Variants in UBE2G1 observed in about 807,000 individuals in gnomAD.
The protein encoded by UBE2G1 is ubiquitin conjugating enzyme E2 G1.
A neutral mutation model predicts 22.7 loss-of-function variants in UBE2G1; 5 were observed. That is an observed-to-expected ratio of 0.22 (90% CI 0.12 to 0.46). The LOEUF (loss-of-function observed/expected upper bound fraction) is 0.46, where lower values mean the gene tolerates loss of function less well. Among genes scored for constraint, UBE2G1 ranks in the 20% least tolerant of loss-of-function variants. The pLI, the probability that UBE2G1 is intolerant of heterozygous loss-of-function variation, is 0.99. For missense variants in UBE2G1, 88 were observed against 203.9 expected (o/e 0.43, Z 3.46); for synonymous variants, 74 against 67.5 (o/e 1.10, Z -0.47).
chr17:4,366,337 G>T lies in UBE2G1; in HGVS notation c.-21C>A. On this transcript the variant is annotated 5_prime_UTR_variant, in exon 1 of 6. Transcript: ENST00000396981. Reference sequence around the variant, plus strand: ...GTCATCCTCCCTGCCGAGGGCCCGGGCTGGCGCCGGGGCTTCCGAAGGGCT... The same window carrying T: ...GTCATCCTCCCTGCCGAGGGCCCGGTCTGGCGCCGGGGCTTCCGAAGGGCT... The T allele has an allele frequency of 6.5e-7, 1 of 1,531,948 alleles. No individual in the cohort carries two copies. 94.9% of individuals were successfully genotyped at this position (1,531,948 alleles called of 1,614,324 possible). A position where few individuals can be genotyped will look rare whatever the true frequency, so the allele number is the denominator to read the frequency against.
intron 1 of UBE2G1, among the ~76,000 whole-genome samples, chr17:4,312,113 G>A (rs947647921): frequency 2.0e-4 from 31 of 151,952 alleles, no homozygotes; most frequent in Non-Finnish European, 3.7e-4. Context: ...CCGGGTGGTG[G>A]TGGGCGCCTG....
chr17:4,317,619 A>AAAT (rs1253769421), intron 1 of UBE2G1, among the ~76,000 whole-genome samples: 2 of 152,230 alleles, frequency 1.3e-5, no homozygotes, highest in Non-Finnish European at 2.9e-5. Flanking sequence ...ATCAGAGATG[A>AAAT]TCCCTTAAAA....
intron 2 of UBE2G1, chr17:4,302,566 A>G: frequency 5.3e-6 from 2 of 380,826 alleles, no homozygotes; most frequent in Non-Finnish European, 1.1e-5. Context: ...TGTTTTTAGA[A>G]GTTTTCTTCA....
Position 4,347,014 on chromosome 17 carries a change from A to T in UBE2G1, c.46+19257T>A, listed in dbSNP as rs113571919. On this transcript the variant is annotated intron_variant, in intron 1 of 5. Transcript: ENST00000396981. ...CTAAAAATACAAAAATTAGCCGGGC[A>T]TGGTGGTGTATGCTTGTAATCTCAG... 3.9e-5 allele frequency among the ~76,000 whole-genome samples: 6 copies of T among 152,002 alleles called. No individual in the cohort carries two copies. The East Asian group carries it at 1.2e-3, about 30-fold the overall frequency.
At chr17:4,354,095 TC>T (rs931878266) in intron 1 of UBE2G1, among the ~76,000 whole-genome samples, 9 of 152,182 alleles carry the variant, frequency 5.9e-5, no homozygotes, top group African/African-American at 2.2e-4. Flanking sequence ...ATAAACTTTG[TC>T]TTGCTTGTTC....
intron 3 of UBE2G1, among the ~76,000 whole-genome samples, chr17:4,296,179 G>A (rs1048389255): frequency 6.6e-6 from 1 of 151,830 alleles, no homozygotes; most frequent in African/African-American, 2.4e-5. Context: ...CAGTAACCAT[G>A]CCCTCTGGTT....
chr17:4,309,342 T>A (rs1009321074), intron 1 of UBE2G1, among the ~76,000 whole-genome samples: 3 of 152,258 alleles, frequency 2.0e-5, no homozygotes, highest in African/African-American at 7.2e-5. Context: ...AAGTCTAACA[T>A]TTTTGCATAA....
In UBE2G1 at chr17:4,365,516, G is replaced by T. The variant is rs1434142871; in HGVS notation, c.46+755C>A. 3.3e-5 allele frequency among the ~76,000 whole-genome samples: 5 copies of T among 152,186 alleles called. 1 individual carries two copies. Among genetic ancestry groups the T allele is most frequent in the Admixed American group, 3.3e-4 (5 of 15,282 alleles). The stretch of plus-strand genomic sequence containing the variant: ...CCCCGGGCCAGAGCCTGCGGGCGCA[G>T]CTCCGGGGTTTGCAGGCCTGCGCAG... On this transcript the variant is annotated intron_variant, in intron 1 of 5. Coordinates refer to ENST00000396981, the MANE Select transcript of UBE2G1 (RefSeq NM_003342.5).
chr17:4,282,072 TTTTG>T (rs894508153), intron 5 of UBE2G1, among the ~76,000 whole-genome samples: 7 of 152,154 alleles, frequency 4.6e-5, no homozygotes, highest in Admixed American at 1.3e-4. Flanking sequence ...AAGACCAACT[TTTTG>T]TTTGTTTGTT....
At chr17:4,286,045 G>A (rs1433178800) in intron 4 of UBE2G1, among the ~76,000 whole-genome samples, 1 of 152,032 alleles carries the variant, frequency 6.6e-6, no homozygotes, top group East Asian at 1.9e-4. Context: ...ACTGCAGACT[G>A]AGAGGTCAGA....
At chr17:4,273,761 A>G (rs916095742) in intron 5 of UBE2G1, among the ~76,000 whole-genome samples, 1 of 152,162 alleles carries the variant, frequency 6.6e-6, no homozygotes, top group African/African-American at 2.4e-5. Context: ...GGAAACACCT[A>G]TTAGGACTGC....
intron 1 of UBE2G1, among the ~76,000 whole-genome samples, chr17:4,324,388 T>C (rs575869257): frequency 2.6e-5 from 4 of 152,314 alleles, no homozygotes; most frequent in South Asian, 2.1e-4. Flanking sequence ...GCTGATTCCA[T>C]CTTGAAATTA....
intron 1 of UBE2G1, among the ~76,000 whole-genome samples, chr17:4,316,096 T>TA (rs1969368736): frequency 2.0e-5 from 3 of 152,082 alleles, no homozygotes; most frequent in African/African-American, 7.2e-5. Flanking sequence ...AGCCACCGCC[T>TA]AAGTGTACTT....
intron 4 of UBE2G1, among the ~76,000 whole-genome samples, chr17:4,286,917 C>T (rs193131165): frequency 2.0e-5 from 3 of 151,904 alleles, no homozygotes; most frequent in Non-Finnish European, 2.9e-5. Context: ...TGGTTCCGCA[C>T]GTCTGTAATA....
intron 2 of UBE2G1, among the ~76,000 whole-genome samples, chr17:4,300,566 T>TA (rs1224438897): frequency 6.6e-6 from 1 of 151,802 alleles, no homozygotes; most frequent in African/African-American, 2.4e-5. Flanking sequence ...AATAAATAAA[T>TA]AAATAAAATA....
At chr17:4,345,472 AACTT>A (rs1354855312) in intron 1 of UBE2G1, among the ~76,000 whole-genome samples, 1 of 152,196 alleles carries the variant, frequency 6.6e-6, no homozygotes, top group Non-Finnish European at 1.5e-5. Context: ...TATTTCCAGT[AACTT>A]ACAAATATTC....
At chr17:4,326,898 C>G (rs913707284) in intron 1 of UBE2G1, among the ~76,000 whole-genome samples, 3 of 152,228 alleles carry the variant, frequency 2.0e-5, no homozygotes, top group Non-Finnish European at 4.4e-5. Flanking sequence ...TGCAGTGGCT[C>G]ACACCTGTAA....
chr17:4,353,462 T>TATACACACACAC (rs990958855), intron 1 of UBE2G1, among the ~76,000 whole-genome samples: 2 of 148,122 alleles, frequency 1.4e-5, no homozygotes, highest in Admixed American at 1.4e-4. Context: ...TATATATATA[T>TATACACACACAC]ACACACACAC....
At chr17:4,292,702 T>C (rs1969056522) in intron 3 of UBE2G1, among the ~76,000 whole-genome samples, 1 of 152,218 alleles carries the variant, frequency 6.6e-6, no homozygotes, top group South Asian at 2.1e-4. Flanking sequence ...ATTCTCTCAG[T>C]CACTTTCTAG....
Sources: allele counts gnomAD v4.1 joint callset (sites outside exome capture counted in the v4.1 genomes callset), GRCh38; gene constraint gnomAD v4.1.1; transcripts MANE v1.5; gene names NCBI Gene and HGNC (gene_info 2026-07-23, HGNC 2026-07-21).